LHX3: variants seen among roughly 807,000 people sequenced by gnomAD.
The protein encoded by LHX3 is LIM/homeobox protein Lhx3.
A neutral mutation model predicts 32.4 loss-of-function variants in LHX3; 21 were observed. That is an observed-to-expected ratio of 0.65 (90% CI 0.46 to 0.93). The LOEUF is 0.93. LHX3 is among the 40% of genes least tolerant of loss of function. The probability of loss-of-function intolerance (pLI) is 0.00; values close to 1 mark genes in which losing one functional copy is unlikely to be tolerated. For synonymous variants in LHX3, 258 were observed against 246.8 expected (o/e 1.05, Z -0.43); for missense variants, 626 against 560.0 (o/e 1.12, Z -1.19).
At chr9:136,204,354 C>T (rs1428631491) in intron 1 of LHX3, among the ~76,000 whole-genome samples, 5 of 152,218 alleles carry the variant, frequency 3.3e-5, no homozygotes, top group Admixed American at 6.5e-5. Context: ...CGAGTGTGTG[C>T]GGGCTGTGCT....
intron 1 of LHX3, 142 bp downstream of exon 1, chr9:136,204,792 A>T: frequency 1.4e-6 from 1 of 707,642 alleles, no homozygotes; most frequent in Non-Finnish European, 2.4e-6. Context: ...CTGGAAACTC[A>T]CTCTCTGCAG....
At chr9:136,202,336 A>G (rs1463748153) in intron 1 of LHX3, among the ~76,000 whole-genome samples, 2 of 151,696 alleles carry the variant, frequency 1.3e-5, no homozygotes, top group Admixed American at 6.6e-5. Context: ...CTGGCCCGGG[A>G]GTCGAGGAGA....
In LHX3 at chr9:136,201,212, G is replaced by A. The variant is rs1442344328; in HGVS notation, c.80-459C>T. The stretch of plus-strand genomic sequence containing the variant: ...GGTCTCCTTCATGTTAAGCGTCATG[G>A]CCACTCTTTCTAGGGACTCCTCGCA... On this transcript the variant is annotated intron_variant, in intron 1 of 5. Coordinates refer to ENST00000371748, the MANE Select transcript of LHX3 (RefSeq NM_178138.6). The A allele has an allele frequency of 3.8e-6, 5 of 1,326,532 alleles. No homozygotes were observed. In the South Asian group the frequency reaches 7.5e-5, roughly 20 times the overall value. The allele number at this position is 1,326,532 out of a possible 1,614,324, so 82.2% of individuals were successfully genotyped here.
At chr9:136,203,826 G>A (rs1374248835) in intron 1 of LHX3, among the ~76,000 whole-genome samples, 2 of 152,220 alleles carry the variant, frequency 1.3e-5, no homozygotes, top group African/African-American at 4.8e-5. Flanking sequence ...GGCTCCATTG[G>A]AACACGGTCC....
In LHX3 at chr9:136,199,025, G is replaced by A. The variant is rs373260738; in HGVS notation, c.489C>T (p.Thr163=). The change falls in exon 4 of 6, where the codon ACC becomes ACT. Residue 163 remains threonine, a synonymous_variant. Transcript: ENST00000371748. ...AEATAKRPRT[T]ITAKQLETLK... ...GCGTCTCCAGCTGCTTGGCGGTGAT[G>A]GTCGTGCGCGGCCGCTTGGCCGTGG... The A allele has an allele frequency of 1.7e-5, 27 of 1,582,114 alleles. No homozygotes were observed. The highest frequency in any genetic ancestry group is 2.0e-5 in the Non-Finnish European group (23 of 1,169,690).
chr9:136,198,538 C>G lies in LHX3; in HGVS notation c.775+114G>C, dbSNP rs1484934739. Reference sequence around the variant, plus strand: ...AAGTGAAATGCTTTTGAAAGTAGAACTTAAGGAGTCCACTAACTCCATGGG... The same window carrying G: ...AAGTGAAATGCTTTTGAAAGTAGAAGTTAAGGAGTCCACTAACTCCATGGG... On this transcript the variant is annotated intron_variant, in intron 5 of 5. Transcript: ENST00000371748. 7 of 1,216,454 alleles carry G rather than the reference C, an allele frequency of 5.8e-6. No individual in the cohort carries two copies. The South Asian group carries it at 8.1e-5, about 14-fold the overall frequency. 75.4% of individuals were successfully genotyped at this position (1,216,454 alleles called of 1,614,324 possible).
At chr9:136,201,991 C>A (rs919846183) in intron 1 of LHX3, among the ~76,000 whole-genome samples, 3 of 151,934 alleles carry the variant, frequency 2.0e-5, no homozygotes, top group Admixed American at 6.6e-5. Flanking sequence ...CCCAGCCCAC[C>A]CCGCGCCGCG....
At chr9:136,198,866 C>T in intron 4 of LHX3, 42 bp downstream of exon 4, 2 of 1,593,566 alleles carry the variant, frequency 1.3e-6, no homozygotes, top group Non-Finnish European at 8.5e-7. Flanking sequence ...TGCGGGGGCC[C>T]CCAAGGCCGC....
Position 136,197,604 on chromosome 9 carries a change from C to G in LHX3, c.915G>C (p.Gln305His), listed in dbSNP as rs548140963. The change falls in exon 6 of 6, where the codon CAG becomes CAC. Residue 305 changes from glutamine to histidine, a missense_variant. By Grantham distance (24) the Gln-to-His change is conservative. Coordinates refer to ENST00000371748, the MANE Select transcript of LHX3 (RefSeq NM_178138.6). Reference sequence around the variant, plus strand: ...GGCTGCCGGGACGCAGCTCTCGGTACTGCTCTGGGCCTGCCAGGCCTCCAT... The same window carrying G: ...GGCTGCCGGGACGCAGCTCTCGGTAGTGCTCTGGGCCTGCCAGGCCTCCAT... ...LEHGGLAGPE[Q>H]YRELRPGSPY... The G allele has an allele frequency of 1.4e-5, 22 of 1,555,112 alleles. No homozygotes were observed. In the Admixed American group the frequency reaches 4.2e-4, roughly 30 times the overall value.
chr9:136,200,733 A>G lies in LHX3; in HGVS notation c.100T>C (p.Cys34Arg). The change falls in exon 2 of 6, where the codon TGT (cysteine) becomes CGT (arginine). Residue 34 changes from cysteine to arginine, a missense_variant. Physicochemically the swap from Cys to Arg is radical, Grantham distance 180. Transcript: ENST00000371748. ...AAGCGGTCCAGGATGTGCTGGTCACAGCCAGCGCACAGCGGGATCTCTGTG... is the reference window on the plus strand; with the variant it reads ...AAGCGGTCCAGGATGTGCTGGTCACGGCCAGCGCACAGCGGGATCTCTGTG... ...GTREIPLCAG[C>R]DQHILDRFIL... 1.9e-6 allele frequency: 3 copies of G among 1,613,496 alleles called. No homozygotes were observed. Among genetic ancestry groups the G allele is most frequent in the Non-Finnish European group, 2.5e-6 (3 of 1,180,034 alleles).
chr9:136,199,376 G>A (rs1831580334), intron 3 of LHX3, among the ~76,000 whole-genome samples: 1 of 152,216 alleles, frequency 6.6e-6, no homozygotes, highest in South Asian at 2.1e-4. Flanking sequence ...ATTTCCCCGC[G>A]GGCTCCCCTT....
rs535128182 is a variant in LHX3, at chr9:136,201,179, C to A, written c.80-426G>T. On this transcript the variant is annotated intron_variant, in intron 1 of 5. Coordinates refer to ENST00000371748, the MANE Select transcript of LHX3 (RefSeq NM_178138.6). ...TTCACCATCACCTGGAGCTGGGGCACCCCATCGGGTCTCCTTCATGTTAAG... is the reference window on the plus strand; with the variant it reads ...TTCACCATCACCTGGAGCTGGGGCAACCCATCGGGTCTCCTTCATGTTAAG... 9 of 1,356,844 alleles carry A rather than the reference C, an allele frequency of 6.6e-6. No individual in the cohort carries two copies. In the East Asian group the frequency reaches 2.4e-4, roughly 36 times the overall value. The allele number at this position is 1,356,844 out of a possible 1,614,324, so 84.1% of individuals were successfully genotyped here.
chr9:136,203,375 G>T (rs146327080), intron 1 of LHX3, among the ~76,000 whole-genome samples: 1 of 152,134 alleles, frequency 6.6e-6, no homozygotes, highest in Non-Finnish European at 1.5e-5. Flanking sequence ...CCAGGTCAGG[G>T]CTTCCCGCCA....
chr9:136,203,109 A>C, intron 1 of LHX3: 5 of 1,458,902 alleles, frequency 3.4e-6, no homozygotes, highest in Middle Eastern at 2.4e-4. Flanking sequence ...CCACCCCGCA[A>C]TAGCCCCGAA....
intron 3 of LHX3, 39 bp downstream of exon 3, chr9:136,199,639 C>G (rs1302195195): frequency 1.9e-6 from 3 of 1,608,396 alleles, no homozygotes; most frequent in East Asian, 2.2e-5. Context: ...CCATTTTTTT[C>G]AGACCAGGAA....
rs1831614909 is a variant in LHX3 at position 136,200,567 on chromosome 9, G to C, written c.251+15C>G. The C allele has an allele frequency of 2.5e-6, 4 of 1,610,250 alleles. No individual in the cohort carries two copies. The highest frequency in any genetic ancestry group is 1.1e-5 in the South Asian group (1 of 91,000). On this transcript the variant is annotated intron_variant, in intron 2 of 5. Coordinates refer to ENST00000371748, the MANE Select transcript of LHX3 (RefSeq NM_178138.6). Reference sequence around the variant, plus strand: ...GCCCTCCGCTCCCACACTGAGGTGAGGTTTCGGGGCTCACTTGAAAAAGTC... The same window carrying C: ...GCCCTCCGCTCCCACACTGAGGTGACGTTTCGGGGCTCACTTGAAAAAGTC...
intron 5 of LHX3, 52 bp downstream of exon 5, chr9:136,198,600 C>T (rs1238974491): frequency 1.9e-6 from 3 of 1,540,288 alleles, no homozygotes; most frequent in East Asian, 4.9e-5. Flanking sequence ...ACCCCTGCGA[C>T]CCCGCCGACG....
intron 1 of LHX3, chr9:136,201,222 C>G (rs1831632863): frequency 9.2e-6 from 12 of 1,303,342 alleles, no homozygotes; most frequent in Non-Finnish European, 9.7e-6. Flanking sequence ...GCCACTCTTT[C>G]TAGGGACTCC....
At chr9:136,199,211 A>G in intron 3 of LHX3, 152 bp from the exon 4 acceptor site, 1 of 422,920 alleles carries the variant, frequency 2.4e-6, no homozygotes, top group Non-Finnish European at 3.8e-6. Flanking sequence ...GGGCGCTGGG[A>G]GCGATTGGCA....
Sources: gnomAD v4.1 joint callset for allele counts (sites outside exome capture counted in the v4.1 genomes callset) on GRCh38, gnomAD v4.1.1 for gene constraint, MANE v1.5 for transcripts, NCBI Gene and HGNC (gene_info 2026-07-23, HGNC 2026-07-21) for gene names.